The following ACOXL variants were observed in gnomAD, a reference collection of about 807,000 sequenced individuals.
The protein encoded by ACOXL is acyl-coenzyme A oxidase-like protein.
In ACOXL, 70 loss-of-function variants were observed where a neutral mutation model predicts 71.9. The observed-to-expected ratio is 0.97, with a 90% confidence interval of 0.80 to 1.19. ACOXL has a LOEUF of 1.19. ACOXL is among the 50% of genes most tolerant of loss of function. ACOXL has a pLI of 0.00. For synonymous variants in ACOXL, 253 were observed against 281.6 expected (o/e 0.90, Z 1.02); for missense variants, 703 against 736.3 (o/e 0.95, Z 0.52).
chr2:111,034,635 C>T (rs545959916), intron 15 of ACOXL, among the ~76,000 whole-genome samples: 187 of 152,218 alleles, frequency 1.2e-3, no homozygotes, highest in African/African-American at 4.5e-3. Flanking sequence ...TTTAGAAAGC[C>T]CAGGAATGTT....
chr2:110,949,426 G>A (rs1389293657), intron 12 of ACOXL, among the ~76,000 whole-genome samples: 1 of 152,118 alleles, frequency 6.6e-6, no homozygotes, highest in Non-Finnish European at 1.5e-5. Context: ...TCTCTGGAAG[G>A]GTTGAGAGCC....
At chr2:111,001,963 G>A (rs1483534) in intron 14 of ACOXL, among the ~76,000 whole-genome samples, 54,954 of 152,032 alleles carry the variant, frequency 0.36, 10,594 homozygotes, top group African/African-American at 0.49. Context: ...CTGTAGTCAC[G>A]CCCTCATGGA....
At chr2:111,034,933 T>G (rs919634545) in intron 15 of ACOXL, among the ~76,000 whole-genome samples, 30 of 151,998 alleles carry the variant, frequency 2.0e-4, no homozygotes, top group African/African-American at 7.0e-4. Context: ...TTTTTTTTTT[T>G]TTTTGACGGA....
At chr2:110,834,437 T>C (rs1401942701) in intron 9 of ACOXL, among the ~76,000 whole-genome samples, 1 of 152,214 alleles carries the variant, frequency 6.6e-6, no homozygotes, top group African/African-American at 2.4e-5. Context: ...GTTTGAAACG[T>C]AAGCCTAAGA....
chr2:110,758,631 C>T (rs1047780396), intron 1 of ACOXL, among the ~76,000 whole-genome samples: 3 of 152,076 alleles, frequency 2.0e-5, no homozygotes, highest in Non-Finnish European at 2.9e-5. Flanking sequence ...AAAACCAGCT[C>T]CTGGGTTCAT....
chr2:110,814,349 C>T (rs1687677472), intron 9 of ACOXL, among the ~76,000 whole-genome samples: 1 of 151,990 alleles, frequency 6.6e-6, no homozygotes, highest in Admixed American at 6.6e-5. Context: ...TGAGTTGATC[C>T]AGCCTTTTCA....
rs1490613555 is a variant in ACOXL, at chr2:110,763,230, C to A, written c.-22-5138C>A. Among the ~76,000 whole-genome samples the A allele has an allele frequency of 5.9e-4, 90 of 152,222 alleles. 1 individual carries two copies. The highest frequency in any genetic ancestry group is 9.6e-4 in the East Asian group (5 of 5,186). ...GACAAAAGACTCACAATAGCCAATA[C>A]AAAATTGAAGGAGAAGAACAAAGTT... On this transcript the variant is annotated intron_variant, in intron 1 of 17. Transcript: ENST00000439055.
chr2:110,914,104 T>C lies in ACOXL; in HGVS notation c.905+5199T>C, dbSNP rs2059750868. On this transcript the variant is annotated intron_variant, in intron 11 of 17. Transcript: ENST00000439055. The stretch of plus-strand genomic sequence containing the variant: ...TGGTTGCACAACTCCTTAAATATAC[T>C]AGAAATCACTGAATTGTACACTTGA... Among the ~76,000 whole-genome samples the C allele has an allele frequency of 2.0e-5, 3 of 152,144 alleles. 1 individual carries two copies. The South Asian group carries it at 6.2e-4, about 31-fold the overall frequency.
intron 15 of ACOXL, among the ~76,000 whole-genome samples, chr2:111,034,195 T>A (rs959991878): frequency 7.2e-5 from 11 of 152,218 alleles, no homozygotes; most frequent in Non-Finnish European, 1.6e-4. Context: ...GATATTTACC[T>A]CGTGGGGCTG....
intron 14 of ACOXL, among the ~76,000 whole-genome samples, chr2:111,025,231 G>C (rs1203787806): frequency 6.6e-6 from 1 of 152,212 alleles, no homozygotes; most frequent in Non-Finnish European, 1.5e-5. Context: ...CCATTAAGCA[G>C]GTGGTAGATG....
At chr2:110,787,741 T>TTGC (rs911071724) in intron 3 of ACOXL, among the ~76,000 whole-genome samples, 2 of 152,036 alleles carry the variant, frequency 1.3e-5, no homozygotes, top group African/African-American at 4.8e-5. Context: ...TTTGGACCAC[T>TTGC]TGCTTCTAGC....
chr2:110,975,860 C>T (rs2062420854), intron 12 of ACOXL, among the ~76,000 whole-genome samples: 1 of 150,730 alleles, frequency 6.6e-6, no homozygotes, highest in Non-Finnish European at 1.5e-5. Flanking sequence ...GAGAAAACTT[C>T]CAAGAATGAA....
intron 13 of ACOXL, among the ~76,000 whole-genome samples, chr2:110,995,499 C>CAAAAAAAA (rs567318996): frequency 0.47 from 31,696 of 66,812 alleles, 12,241 homozygotes; most frequent in African/African-American, 0.54. Context: ...GACTCTGTCT[C>CAAAAAAAA]AAAAAAAAAA....
At chr2:110,840,685 T>A (rs1402933919) in intron 9 of ACOXL, among the ~76,000 whole-genome samples, 1 of 152,206 alleles carries the variant, frequency 6.6e-6, no homozygotes, top group Non-Finnish European at 1.5e-5. Context: ...TCATCATCCC[T>A]GCAGAGTAAA....
chr2:110,879,547 A>G (rs1696362288), intron 10 of ACOXL, among the ~76,000 whole-genome samples: 1 of 152,216 alleles, frequency 6.6e-6, no homozygotes, highest in East Asian at 1.9e-4. Flanking sequence ...GAAGAATGAG[A>G]TGGGTTGCAA....
chr2:111,019,426 G>A (rs1299168328), intron 14 of ACOXL, among the ~76,000 whole-genome samples: 5 of 152,166 alleles, frequency 3.3e-5, no homozygotes, highest in Admixed American at 2.6e-4. Flanking sequence ...TTTCTATTCC[G>A]AAAGGCTCGG....
chr2:110,787,817 G>T (rs902557691), intron 3 of ACOXL, among the ~76,000 whole-genome samples: 3 of 152,022 alleles, frequency 2.0e-5, no homozygotes, highest in Admixed American at 6.6e-5. Flanking sequence ...TCCAGCTAAC[G>T]TGTCCTTCCC....
At chr2:110,984,561 A>G (rs1232973049) in intron 12 of ACOXL, among the ~76,000 whole-genome samples, 2 of 152,258 alleles carry the variant, frequency 1.3e-5, no homozygotes, top group African/African-American at 4.8e-5. Flanking sequence ...AGGAGCAAAG[A>G]TCCAAAGTGA....
At chr2:110,943,057 A>AGG (rs2060937999) in intron 12 of ACOXL, among the ~76,000 whole-genome samples, 2 of 146,058 alleles carry the variant, frequency 1.4e-5, no homozygotes, top group African/African-American at 5.1e-5. Flanking sequence ...GGAAGAAAGA[A>AGG]AAGGAAGAAG....
Sources: gnomAD v4.1 joint callset for allele counts (sites outside exome capture counted in the v4.1 genomes callset) on GRCh38, gnomAD v4.1.1 for gene constraint, MANE v1.5 for transcripts, NCBI Gene and HGNC (gene_info 2026-07-23, HGNC 2026-07-21) for gene names.